Variants in RASD2 observed in about 807,000 individuals in gnomAD.
RASD2 encodes the protein GTP-binding protein Rhes.
A neutral mutation model predicts 15.8 loss-of-function variants in RASD2; 7 were observed. The observed-to-expected ratio is 0.44, with a 90% CI of 0.25 to 0.83. The LOEUF is 0.83. Ranked by LOEUF, RASD2 falls within the 40% of genes least tolerant of loss-of-function variation. The probability of loss-of-function intolerance (pLI) is 0.20; values close to 1 mark genes in which losing one functional copy is unlikely to be tolerated. For missense variants in RASD2, 274 were observed against 382.8 expected (o/e 0.72, Z 2.37); for synonymous variants, 155 against 153.6 (o/e 1.01, Z -0.07).
upstream of RASD2, among the ~76,000 whole-genome samples, chr22:35,536,738 G>C (rs971977952): frequency 1.3e-5 from 2 of 152,200 alleles, no homozygotes; most frequent in Admixed American, 6.5e-5. Context: ...GAATCACCAG[G>C]AGGGCTGGTT....
chr22:35,548,703 G>A (rs565515759), intron 2 of RASD2, among the ~76,000 whole-genome samples: 27 of 152,320 alleles, frequency 1.8e-4, no homozygotes, highest in African/African-American at 5.8e-4. Flanking sequence ...CAAGTTCTCC[G>A]CTCCACCCCG....
At chr22:35,534,673 C>A in the RASD2 span, among the ~76,000 whole-genome samples, 1 of 152,200 alleles carries the variant, frequency 6.6e-6, no homozygotes, top group Non-Finnish European at 1.5e-5. Context: ...GATGAGGTCA[C>A]AAAGGGCTGC....
In RASD2 at chr22:35,552,218, G is replaced by A. The variant is rs736212; in HGVS notation, c.*186G>A. 4 of 709,546 alleles carry A rather than the reference G, an allele frequency of 5.6e-6. No individual in the cohort carries two copies. The highest frequency in any genetic ancestry group is 3.9e-5 in the South Asian group (2 of 51,334). The allele number at this position is 709,546 out of a possible 1,614,324, so 44.0% of individuals were successfully genotyped here. On this transcript the variant is annotated 3_prime_UTR_variant, in exon 3 of 3. Transcript: ENST00000216127. Reference sequence around the variant, plus strand: ...GCCTTCTCACAGCTTTCCTGAGTCCGCTTGTCCACAGCTCCTTGGTGGTTT... The same window carrying A: ...GCCTTCTCACAGCTTTCCTGAGTCCACTTGTCCACAGCTCCTTGGTGGTTT...
At position 35,552,135 on chromosome 22, in the gene RASD2, C is replaced by T; in HGVS notation, c.*103C>T. 1 of 1,423,426 alleles carries T rather than the reference C, an allele frequency of 7.0e-7. No individual in the cohort carries two copies. Among genetic ancestry groups the T allele is most frequent in the East Asian group, 2.4e-5 (1 of 42,508 alleles). The allele number at this position is 1,423,426 out of a possible 1,614,324, so 88.2% of individuals were successfully genotyped here. A position where few individuals can be genotyped will look rare whatever the true frequency, so the allele number is the denominator to read the frequency against. On this transcript the variant is annotated 3_prime_UTR_variant, in exon 3 of 3. Coordinates refer to ENST00000216127, the MANE Select transcript of RASD2 (RefSeq NM_014310.4). Reference sequence around the variant, plus strand: ...CCGAGGCCCCGGCAGCAGTCTTGTTCACAGACCTTAGGCACCAGACTGGAG... The same window carrying T: ...CCGAGGCCCCGGCAGCAGTCTTGTTTACAGACCTTAGGCACCAGACTGGAG...
At chr22:35,542,938 G>T (rs982034232) in intron 1 of RASD2, among the ~76,000 whole-genome samples, 1 of 152,198 alleles carries the variant, frequency 6.6e-6, no homozygotes, top group Non-Finnish European at 1.5e-5. Flanking sequence ...GTATGTCTCG[G>T]CGTCATCCCC....
At chr22:35,546,054 A>G (rs1219981922) in intron 1 of RASD2, among the ~76,000 whole-genome samples, 1 of 151,846 alleles carries the variant, frequency 6.6e-6, no homozygotes, top group Non-Finnish European at 1.5e-5. Context: ...CACATCCTCT[A>G]CTCCGGGCCT....
At position 35,552,067 on chromosome 22, in the gene RASD2, T is replaced by G; in HGVS notation, c.*35T>G. The G allele has an allele frequency of 6.4e-7, 1 of 1,567,588 alleles. No individual in the cohort carries two copies. Among genetic ancestry groups the G allele is most frequent in the Middle Eastern group, 1.8e-4 (1 of 5,524 alleles). On this transcript the variant is annotated 3_prime_UTR_variant, in exon 3 of 3. Transcript: ENST00000216127. ...GCTGGGGCGGGGCTTGGCCAGTGCC[T>G]TCAGGGAGGTGGCCCCAGATGCCCA...
chr22:35,538,785 G>A (rs1601808156), upstream of RASD2, among the ~76,000 whole-genome samples: 1 of 152,236 alleles, frequency 6.6e-6, no homozygotes, highest in African/African-American at 2.4e-5. Flanking sequence ...CCAGCGACCT[G>A]AGTCTTCCTG....
At chr22:35,547,262 C>T (rs1031763749) in intron 2 of RASD2, among the ~76,000 whole-genome samples, 182 bp downstream of exon 2, 2 of 152,248 alleles carry the variant, frequency 1.3e-5, no homozygotes, top group East Asian at 1.9e-4. Context: ...TCGGGGGCCC[C>T]GATTCCATTC....
upstream of RASD2, among the ~76,000 whole-genome samples, chr22:35,539,010 C>G (rs1298800804): frequency 6.6e-6 from 1 of 152,234 alleles, no homozygotes; most frequent in African/African-American, 2.4e-5. Flanking sequence ...CCCTTAGCCC[C>G]TCTGTGGCCT....
chr22:35,550,228 A>G (rs1181775708), intron 2 of RASD2, among the ~76,000 whole-genome samples: 2 of 152,056 alleles, frequency 1.3e-5, no homozygotes, highest in East Asian at 1.9e-4. Context: ...TTGCCATTGC[A>G]TTCCAGGCTG....
upstream of RASD2, among the ~76,000 whole-genome samples, chr22:35,537,764 A>G (rs765579386): frequency 1.8e-4 from 28 of 152,140 alleles, 1 homozygote; most frequent in Non-Finnish European, 2.9e-4. Flanking sequence ...TACAGAGAAA[A>G]GGGTATCCCT....
upstream of RASD2, among the ~76,000 whole-genome samples, chr22:35,540,202 C>G (rs963918729): frequency 2.6e-5 from 4 of 152,114 alleles, no homozygotes; most frequent in Non-Finnish European, 5.9e-5. Context: ...AGACCCCGGC[C>G]GAGTGGGCAG....
rs867840964 is a variant in RASD2 at position 35,552,114 on chromosome 22, G to A, written c.*82G>A. On this transcript the variant is annotated 3_prime_UTR_variant, in exon 3 of 3. Transcript: ENST00000216127. ...CCCACTGTGCGCATCTCCCCACCGAGGCCCCGGCAGCAGTCTTGTTCACAG... is the reference window on the plus strand; with the variant it reads ...CCCACTGTGCGCATCTCCCCACCGAAGCCCCGGCAGCAGTCTTGTTCACAG... 6.7e-7 allele frequency: 1 copy of A among 1,483,788 alleles called. No homozygotes were observed. 91.9% of individuals were successfully genotyped at this position (1,483,788 alleles called of 1,614,324 possible).
chr22:35,551,510 C>T lies in RASD2; in HGVS notation c.279C>T (p.Val93=). 1 of 1,607,526 alleles carries T rather than the reference C, an allele frequency of 6.2e-7. No individual in the cohort carries two copies. Residue 93 remains valine (V), a synonymous_variant, in exon 3 of 3, where the codon GTC becomes GTT. Coordinates refer to ENST00000216127, the MANE Select transcript of RASD2 (RefSeq NM_014310.4). This position sits in a 1 kb window ranked among gnomAD's most constrained non-coding sequence, Gnocchi z 4.9. ...TGGGCTCTCTCCCTGCAGGGGATGT[C>T]TTCATCCTGGTGTTCAGCCTGGATA... ...MRRLSILTGD[V]FILVFSLDNR...
the RASD2 span, among the ~76,000 whole-genome samples, chr22:35,535,108 A>G: frequency 6.6e-6 from 1 of 152,204 alleles, no homozygotes; most frequent in Non-Finnish European, 1.5e-5. Context: ...TCAAGAGTTT[A>G]TATAGGAAGC....
In RASD2 at chr22:35,546,844, T is replaced by G; in HGVS notation, c.35T>G (p.Leu12Arg). ...MKTLSSGNCT[L>R]SVPAKNSYRM... ...ACTTTGTCCAGCGGGAACTGCACGC[T>G]CAGTGTGCCCGCCAAAAACTCATAC... The change falls in exon 2 of 3, where the codon CTC (leucine) becomes CGC (arginine). Residue 12 changes from leucine (L) to arginine (R), a missense_variant. By Grantham distance (102) the Leu-to-Arg change is moderately radical. Coordinates refer to ENST00000216127, the MANE Select transcript of RASD2 (RefSeq NM_014310.4). 1.2e-6 allele frequency: 2 copies of G among 1,613,796 alleles called. No homozygotes were observed. Among genetic ancestry groups the G allele is most frequent in the Non-Finnish European group, 8.5e-7 (1 of 1,179,896 alleles).
At position 35,547,016 on chromosome 22, in the gene RASD2, C is replaced by G; in HGVS notation, c.207C>G (p.Leu69=). Residue 69 remains leucine (L), a synonymous_variant, in exon 2 of 3, where the codon CTC becomes CTG. Transcript: ENST00000216127. The part of the protein sequence containing the change: ...VYNIRGDMYQ[L]DILDTSGNHP... ...ACATCCGCGGCGACATGTACCAGCT[C>G]GACATCCTGGATACCTCTGGCAACC... 5 of 1,614,170 alleles carry G rather than the reference C, an allele frequency of 3.1e-6. No homozygotes were observed. The highest frequency in any genetic ancestry group is 4.2e-6 in the Non-Finnish European group (5 of 1,180,032).
chr22:35,548,928 G>T (rs1003447116), intron 2 of RASD2, among the ~76,000 whole-genome samples: 2 of 152,204 alleles, frequency 1.3e-5, no homozygotes, highest in Admixed American at 6.5e-5. Flanking sequence ...GCACGTGACG[G>T]GTATTGCATT....
Sources: allele counts gnomAD v4.1 joint callset (sites outside exome capture counted in the v4.1 genomes callset), GRCh38; gene constraint gnomAD v4.1.1; non-coding constraint Gnocchi (gnomAD v3.1); transcripts MANE v1.5; gene names NCBI Gene and HGNC (gene_info 2026-07-23, HGNC 2026-07-21).